Variants in HMG20A observed in about 807,000 individuals in gnomAD.
HMG20A encodes the protein high mobility group 20A, also known as high mobility group protein 20A.
In HMG20A, 17 loss-of-function variants were observed where a neutral mutation model predicts 43.9. The ratio of observed to expected loss-of-function variants is 0.39; its 90% CI spans 0.27 to 0.58. HMG20A has a LOEUF of 0.58. Ranked by LOEUF, HMG20A falls within the 20% of genes least tolerant of loss-of-function variation. HMG20A has a pLI of 0.59. For missense variants in HMG20A, 341 were observed against 438.2 expected (o/e 0.78, Z 1.98); for synonymous variants, 132 against 147.5 (o/e 0.89, Z 0.76).
chr15:77,470,183 G>T (rs1258938241), intron 4 of HMG20A, among the ~76,000 whole-genome samples: 1 of 152,172 alleles, frequency 6.6e-6, no homozygotes, highest in Non-Finnish European at 1.5e-5. Context: ...ATTTCTGAGT[G>T]TGTTTTCTGT....
intron 1 of HMG20A, among the ~76,000 whole-genome samples, chr15:77,445,768 G>A (rs1359061713): frequency 2.0e-5 from 3 of 152,144 alleles, no homozygotes; most frequent in Admixed American, 2.0e-4. Flanking sequence ...GTGACTGATG[G>A]GCAGGCAGTG....
At chr15:77,465,395 T>A (rs1420300658) in intron 3 of HMG20A, among the ~76,000 whole-genome samples, 2 of 132,602 alleles carry the variant, frequency 1.5e-5, no homozygotes, top group Non-Finnish European at 3.5e-5. Context: ...GTTCTGTTGT[T>A]TTTTGTTTTT....
intron 8 of HMG20A, among the ~76,000 whole-genome samples, 180 bp from the exon 9 acceptor site, chr15:77,478,999 A>T (rs2072882802): frequency 6.6e-6 from 1 of 152,226 alleles, no homozygotes; most frequent in African/African-American, 2.4e-5. Flanking sequence ...TATATAGCCC[A>T]TCTGTTTATT....
intron 1 of HMG20A, among the ~76,000 whole-genome samples, chr15:77,437,933 T>C (rs1436954087): frequency 6.6e-6 from 1 of 151,796 alleles, no homozygotes; most frequent in Non-Finnish European, 1.5e-5. Flanking sequence ...CTTGACTAAA[T>C]AACTTTGTCT....
At chr15:77,508,508 T>C in the HMG20A span, among the ~76,000 whole-genome samples, 3 of 152,310 alleles carry the variant, frequency 2.0e-5, no homozygotes, top group African/African-American at 7.2e-5. Flanking sequence ...AAAGACTAAG[T>C]GACTGATCCA....
intron 1 of HMG20A, among the ~76,000 whole-genome samples, chr15:77,427,826 G>A (rs969308224): frequency 3.3e-5 from 5 of 152,126 alleles, no homozygotes; most frequent in African/African-American, 1.2e-4. Context: ...GTAGTATTGT[G>A]CTAGGCACTA....
At chr15:77,491,069 G>A in the HMG20A span, among the ~76,000 whole-genome samples, 1 of 152,232 alleles carries the variant, frequency 6.6e-6, no homozygotes, top group Non-Finnish European at 1.5e-5. Context: ...ATCTGCATTT[G>A]TTTAAGATTG....
the HMG20A span, among the ~76,000 whole-genome samples, chr15:77,494,682 G>A: frequency 2.0e-5 from 3 of 152,168 alleles, no homozygotes; most frequent in African/African-American, 7.2e-5. Context: ...AGATGTGATT[G>A]GGATATTTAC....
chr15:77,449,792 A>G (rs956678137), intron 1 of HMG20A, among the ~76,000 whole-genome samples: 7 of 152,196 alleles, frequency 4.6e-5, no homozygotes, highest in Non-Finnish European at 8.8e-5. Flanking sequence ...GTTACAATCA[A>G]TGAACCTATA....
chr15:77,482,079 G>A (rs751989727), intron 9 of HMG20A: 3 of 152,158 alleles, frequency 2.0e-5, no homozygotes, highest in Non-Finnish European at 2.9e-5. Context: ...AAATATCTGC[G>A]TAGATGAGTA....
the HMG20A span, among the ~76,000 whole-genome samples, chr15:77,515,371 T>C: frequency 1.3e-5 from 2 of 152,066 alleles, no homozygotes; most frequent in African/African-American, 4.8e-5. Context: ...CGATATGAAA[T>C]CTGCTGTTTT....
intron 1 of HMG20A, among the ~76,000 whole-genome samples, chr15:77,448,645 A>G (rs1438307250): frequency 1.3e-5 from 2 of 152,288 alleles, no homozygotes; most frequent in Non-Finnish European, 2.9e-5. Flanking sequence ...TGTGAGCTCT[A>G]TAAGGGCAAG....
chr15:77,475,499 T>C (rs1365587436), intron 6 of HMG20A, among the ~76,000 whole-genome samples: 1 of 152,194 alleles, frequency 6.6e-6, no homozygotes, highest in Non-Finnish European at 1.5e-5. Context: ...GAGGGATCTT[T>C]GTACCATGGT....
At chr15:77,518,144 G>T in the HMG20A span, among the ~76,000 whole-genome samples, 2 of 152,178 alleles carry the variant, frequency 1.3e-5, no homozygotes, top group African/African-American at 4.8e-5. Context: ...CTGGCACCCA[G>T]AGTTTTCACT....
chr15:77,486,752 C>T (rs1414429624), downstream of HMG20A, among the ~76,000 whole-genome samples: 3 of 152,278 alleles, frequency 2.0e-5, no homozygotes, highest in East Asian at 3.9e-4. Flanking sequence ...TCTGACATAA[C>T]ACGTGCCTCA....
At chr15:77,438,865 A>G (rs949516138) in intron 1 of HMG20A, among the ~76,000 whole-genome samples, 1 of 152,114 alleles carries the variant, frequency 6.6e-6, no homozygotes, top group African/African-American at 2.4e-5. Context: ...ATCTCGGCTC[A>G]CTGCAAGCTC....
chr15:77,506,435 G>A, the HMG20A span, among the ~76,000 whole-genome samples: 4 of 152,166 alleles, frequency 2.6e-5, no homozygotes, highest in Non-Finnish European at 5.9e-5. Context: ...CGTTCTCCCC[G>A]CAGGGTGATT....
chr15:77,454,988 A>G (rs1216869903), intron 1 of HMG20A, among the ~76,000 whole-genome samples: 2 of 152,182 alleles, frequency 1.3e-5, no homozygotes, highest in East Asian at 3.9e-4. Context: ...TATGAGGTGT[A>G]TGGTTGGAGA....
chr15:77,512,148 T>G, the HMG20A span, among the ~76,000 whole-genome samples: 1 of 152,140 alleles, frequency 6.6e-6, no homozygotes, highest in Non-Finnish European at 1.5e-5. Context: ...TTATGTGAAA[T>G]AAGCCAGTCA....
Sources: allele counts gnomAD v4.1 joint callset (sites outside exome capture counted in the v4.1 genomes callset), GRCh38; gene constraint gnomAD v4.1.1; transcripts MANE v1.5; gene names NCBI Gene and HGNC (gene_info 2026-07-23, HGNC 2026-07-21).